RPL10: variants seen among roughly 807,000 people sequenced by gnomAD.
RPL10 encodes ribosomal protein L10, also known as large ribosomal subunit protein uL16.
In RPL10, 1 loss-of-function variant was observed where a neutral mutation model predicts 15.7. The observed-to-expected ratio is 0.06, with a 90% CI of 0.02 to 0.30. The LOEUF is 0.30. Among genes scored for constraint, RPL10 ranks in the 10% least tolerant of loss-of-function variants. RPL10 has a pLI of 1.00. For missense variants in RPL10, 54 were observed against 183.4 expected (o/e 0.29, Z 4.08); for synonymous variants, 59 against 64.0 (o/e 0.92, Z 0.37).
rs1286783643 is a variant in RPL10, at chrX:154,399,798, C to A, written c.191-5C>A. 8.3e-7 allele frequency: 1 copy of A among 1,211,328 alleles called. No individual in the cohort carries two copies. The highest frequency in any genetic ancestry group is 2.2e-5 in the Admixed American group (1 of 46,059). On this transcript the variant is annotated splice_region_variant and splice_polypyrimidine_tract_variant and intron_variant, in intron 4 of 6. Coordinates refer to ENST00000369817, the MANE Select transcript of RPL10 (RefSeq NM_006013.5). ...CACTTTGCTGCTTTTCTTCTCCCTA[C>A]CTAGCCCTGGAGGCTGCCCGAATTT...
Position 154,401,602 on chromosome X carries a change from TGA to T in RPL10, c.*752_*753del, listed in dbSNP as rs782316114. ...CTGGCTTTTGGGGGAGCAGCAAAAA[TGA>T]GAGGAGTGCTAGGTGGGTGGCCTGA... On this transcript the variant is annotated 3_prime_UTR_variant, in exon 7 of 7. Coordinates refer to ENST00000369817, the MANE Select transcript of RPL10 (RefSeq NM_006013.5). The T allele has an allele frequency of 2.2e-3, 247 of 111,887 alleles. No individual in the cohort carries two copies. Among genetic ancestry groups the T allele is most frequent in the Middle Eastern group, 0.014 (3 of 216 alleles). 9.2% of individuals were successfully genotyped at this position (111,887 alleles called of 1,213,427 possible).
intron 2 of RPL10, 56 bp from the exon 3 acceptor site, chrX:154,399,282 G>A (rs782330085): frequency 7.8e-6 from 9 of 1,154,576 alleles, no homozygotes; most frequent in Non-Finnish European, 1.1e-5. Flanking sequence ...GGGGCAAAGT[G>A]CCTGTTGGGC....
rs2068059444 is a variant in RPL10, at chrX:154,402,319, A to G, written c.*1465A>G. ...TGATTCTTACCAATCCACAATAAACATGGCCCATTGGCATATCTGCTGCAC... is the reference window on the plus strand; with the variant it reads ...TGATTCTTACCAATCCACAATAAACGTGGCCCATTGGCATATCTGCTGCAC... On this transcript the variant is annotated 3_prime_UTR_variant, in exon 7 of 7. Transcript: ENST00000369817. The G allele has an allele frequency of 6.5e-6, 1 of 154,966 alleles. No individual in the cohort carries two copies. Among genetic ancestry groups the G allele is most frequent in the Non-Finnish European group, 1.2e-5 (1 of 80,719 alleles). 12.8% of individuals were successfully genotyped at this position (154,966 alleles called of 1,213,427 possible).
In RPL10 at chrX:154,400,821, C is replaced by T. The variant is rs947563367; in HGVS notation, c.612C>T (p.Gly204=). The T allele has an allele frequency of 1.4e-5, 17 of 1,210,114 alleles. No individual in the cohort carries two copies. In the African/African-American group the frequency reaches 2.4e-4, roughly 17 times the overall value. ...GGGTCAAGTACATCCCCAGTCGTGG[C>T]CCTCTGGACAAGTGGCGGGCCCTGC... ...GCGVKYIPSR[G]PLDKWRALHS Residue 204 remains glycine, a synonymous_variant, in exon 7 of 7, where the codon GGC becomes GGT. Coordinates refer to ENST00000369817, the MANE Select transcript of RPL10 (RefSeq NM_006013.5).
rs2068012268 is a variant in RPL10, at chrX:154,400,742, C to T, written c.533C>T (p.Ala178Val). ...AAGTGGGGCTTCACCAAGTTCAATGCTGATGAATTTGAAGACATGGTGGCT... is the reference window on the plus strand; with the variant it reads ...AAGTGGGGCTTCACCAAGTTCAATGTTGATGAATTTGAAGACATGGTGGCT... Reference protein sequence around the residue: ...SKKWGFTKFNADEFEDMVAEK... With the variant: ...SKKWGFTKFNVDEFEDMVAEK... Residue 178 changes from alanine (A) to valine (V), a missense_variant, in exon 7 of 7, where the codon GCT (alanine) becomes GTT (valine). Physicochemically the swap from Ala to Val is moderately conservative, Grantham distance 64. This residue lies in a region of RPL10 where 32 missense variants were observed against 76.0 expected (regional missense o/e 0.42). Transcript: ENST00000369817. 1.7e-6 allele frequency: 2 copies of T among 1,211,580 alleles called. No homozygotes were observed. The highest frequency in any genetic ancestry group is 1.8e-5 in the South Asian group (1 of 56,993).
At position 154,401,154 on chromosome X, in the gene RPL10, C is replaced by T; in HGVS notation, c.*300C>T. ...CTGAAGTGCTTTTCATGAAGCACAG[C>T]TGCAGCAAAGCCTTGCAATCCCAGG... On this transcript the variant is annotated 3_prime_UTR_variant, in exon 7 of 7. Coordinates refer to ENST00000369817, the MANE Select transcript of RPL10 (RefSeq NM_006013.5). The T allele has an allele frequency of 2.1e-6, 1 of 465,145 alleles. No homozygotes were observed. The highest frequency in any genetic ancestry group is 3.3e-6 in the Non-Finnish European group (1 of 299,113). 38.3% of individuals were successfully genotyped at this position (465,145 alleles called of 1,213,427 possible).
At chrX:154,399,763 T>C in intron 4 of RPL10, 40 bp from the exon 5 acceptor site, 1 of 1,208,849 alleles carries the variant, frequency 8.3e-7, no homozygotes. Flanking sequence ...GTTTCTCTAT[T>C]ATCTTCTCTC....
At chrX:154,399,457 A>AC (rs2067980242) in intron 3 of RPL10, 30 bp from the exon 4 acceptor site, 3 of 1,207,576 alleles carry the variant, frequency 2.5e-6, no homozygotes, top group Non-Finnish European at 3.4e-6. Context: ...CGTCTGTGAC[A>AC]CCCCCTGCAC....
In RPL10 at chrX:154,398,493, G is replaced by T. The variant is rs782696601; in HGVS notation, c.-23-4G>T. 71 of 1,209,375 alleles carry T rather than the reference G, an allele frequency of 5.9e-5. No homozygotes were observed. The Middle Eastern group carries it at 6.9e-4, about 12-fold the overall frequency. ...CCGTTCCGACTCTCTCTTTTTCGTT[G>T]CAGCCACTGAAGATCCTGGTGTCGC... is the stretch of plus-strand genomic sequence containing the variant. On this transcript the variant is annotated splice_polypyrimidine_tract_variant and splice_region_variant and intron_variant, in intron 1 of 6. Coordinates refer to ENST00000369817, the MANE Select transcript of RPL10 (RefSeq NM_006013.5).
chrX:154,400,325 C>T (rs1054832705), intron 5 of RPL10, 139 bp from the exon 6 acceptor site: 2 of 687,719 alleles, frequency 2.9e-6, no homozygotes, highest in Admixed American at 4.4e-5. Flanking sequence ...CATGGGGACC[C>T]AGTGTGCGAT....
chrX:154,399,703 C>A (rs1301717366), intron 4 of RPL10, 100 bp from the exon 5 acceptor site: 3 of 1,170,340 alleles, frequency 2.6e-6, no homozygotes, highest in Non-Finnish European at 3.5e-6. Flanking sequence ...ATGAGCCTTA[C>A]AAAACTCAGC....
chrX:154,400,158 G>A, intron 5 of RPL10: 3 of 545,717 alleles, frequency 5.5e-6, no homozygotes, highest in Non-Finnish European at 6.5e-6. Flanking sequence ...CACAGGTTAG[G>A]GGAAACACTG....
chrX:154,400,009 A>G, intron 5 of RPL10, 68 bp downstream of exon 5: 1 of 1,171,684 alleles, frequency 8.5e-7, no homozygotes. Context: ...TTATTTTATC[A>G]GAGCATAGAG....
In RPL10 at chrX:154,401,468, T is replaced by C. The variant is rs1342290041; in HGVS notation, c.*614T>C. On this transcript the variant is annotated 3_prime_UTR_variant, in exon 7 of 7. Transcript: ENST00000369817. ...AGGGCCTTCACCACCTGACCAAAGG[T>C]CTAGGCTAACCTTTGGTCATTTGTA... 1 of 128,712 alleles carries C rather than the reference T, an allele frequency of 7.8e-6. No individual in the cohort carries two copies. Among genetic ancestry groups the C allele is most frequent in the Non-Finnish European group, 1.6e-5 (1 of 62,846 alleles). The allele number at this position is 128,712 out of a possible 1,213,427, so 10.6% of individuals were successfully genotyped here. A position where few individuals can be genotyped will look rare whatever the true frequency, so the allele number is the denominator to read the frequency against.
Position 154,399,601 on chromosome X carries a change from C to G in RPL10, c.190+7C>G. ...GAGCAGCTGTCCTCTGAAGGTAAGG[C>G]AGGATTCTTTGTTCGTCACCCCCCA... On this transcript the variant is annotated splice_region_variant and intron_variant, in intron 4 of 6. Transcript: ENST00000369817. The G allele has an allele frequency of 8.3e-7, 1 of 1,206,438 alleles. No individual in the cohort carries two copies. The highest frequency in any genetic ancestry group is 3.0e-5 in the East Asian group (1 of 33,844).
In RPL10 at chrX:154,401,176, C is replaced by T. The variant is rs937504003; in HGVS notation, c.*322C>T. ...CAGCTGCAGCAAAGCCTTGCAATCCCAGGCTGGGGTCAGCCTACAGTTGTG... is the reference window on the plus strand; with the variant it reads ...CAGCTGCAGCAAAGCCTTGCAATCCTAGGCTGGGGTCAGCCTACAGTTGTG... On this transcript the variant is annotated 3_prime_UTR_variant, in exon 7 of 7. Coordinates refer to ENST00000369817, the MANE Select transcript of RPL10 (RefSeq NM_006013.5). The T allele has an allele frequency of 2.1e-5, 8 of 375,307 alleles. No individual in the cohort carries two copies. The highest frequency in any genetic ancestry group is 3.5e-5 in the Non-Finnish European group (8 of 226,604). 30.9% of individuals were successfully genotyped at this position (375,307 alleles called of 1,213,427 possible). A position where few individuals can be genotyped will look rare whatever the true frequency, so the allele number is the denominator to read the frequency against.
At chrX:154,398,602 T>G in intron 2 of RPL10, 60 bp downstream of exon 2, 1 of 1,187,006 alleles carries the variant, frequency 8.4e-7, no homozygotes, top group Non-Finnish European at 1.1e-6. Context: ...GAAGTGCCTA[T>G]GGCCGCTGAA....
intron 5 of RPL10, chrX:154,400,174 G>A (rs191465081): frequency 1.8e-6 from 1 of 544,033 alleles, no homozygotes; most frequent in East Asian, 3.3e-5. Context: ...CACTGGTGAT[G>A]GGAGTAGCTC....
intron 6 of RPL10, 29 bp from the exon 7 acceptor site, chrX:154,400,673 C>T: frequency 3.3e-6 from 4 of 1,211,450 alleles, no homozygotes; most frequent in Non-Finnish European, 4.5e-6. Context: ...CCCAGGCCTC[C>T]TGACTCAGTT....
Sources: gnomAD v4.1 joint callset for allele counts on GRCh38, gnomAD v4.1.1 for gene constraint, gnomAD v4.1.1 regional missense constraint, MANE v1.5 for transcripts, NCBI Gene and HGNC (gene_info 2026-07-23, HGNC 2026-07-21) for gene names.